Variants in THSD7B observed in about 807,000 individuals in gnomAD.
The protein encoded by THSD7B is thrombospondin type-1 domain-containing protein 7B.
In THSD7B, 138 loss-of-function variants were observed where a neutral mutation model predicts 213.6. That is an observed-to-expected ratio of 0.65 (90% CI 0.56 to 0.74). The LOEUF (loss-of-function observed/expected upper bound fraction) is 0.74. Among genes scored for constraint, THSD7B ranks in the 30% least tolerant of loss-of-function variants. THSD7B has a pLI of 0.00. For missense variants in THSD7B, 1,931 were observed against 1,991.5 expected (o/e 0.97, Z 0.58); for synonymous variants, 742 against 687.0 (o/e 1.08, Z -1.25).
At chr2:137,079,647 G>T (rs544143007) in intron 3 of THSD7B, among the ~76,000 whole-genome samples, 10 of 152,074 alleles carry the variant, frequency 6.6e-5, no homozygotes, top group Non-Finnish European at 1.2e-4. Flanking sequence ...ACAGAGGTGG[G>T]TTTACCTTTA....
chr2:137,357,826 C>T (rs1348627969), intron 12 of THSD7B, among the ~76,000 whole-genome samples: 1 of 152,116 alleles, frequency 6.6e-6, no homozygotes, highest in African/African-American at 2.4e-5. Flanking sequence ...TGATTGTAAC[C>T]ATGAGGAAGA....
intron 14 of THSD7B, among the ~76,000 whole-genome samples, chr2:137,417,164 T>C (rs1686817369): frequency 1.3e-5 from 2 of 152,194 alleles, no homozygotes; most frequent in Admixed American, 1.3e-4. Context: ...AAAGAATCTC[T>C]TTTTGGATTT....
At chr2:137,199,809 T>C (rs185164600) in intron 7 of THSD7B, among the ~76,000 whole-genome samples, 25 of 152,338 alleles carry the variant, frequency 1.6e-4, no homozygotes, top group African/African-American at 5.5e-4. Context: ...TTTTGCATTA[T>C]ACTTTTGAAC....
intron 12 of THSD7B, among the ~76,000 whole-genome samples, chr2:137,387,268 C>T (rs1685917884): frequency 6.6e-6 from 1 of 152,218 alleles, no homozygotes; most frequent in African/African-American, 2.4e-5. Flanking sequence ...TATTTGAGTG[C>T]TCTTGTCTGA....
chr2:137,205,311 A>C (rs1040791285), intron 7 of THSD7B, among the ~76,000 whole-genome samples: 1 of 152,034 alleles, frequency 6.6e-6, no homozygotes, highest in Admixed American at 6.6e-5. Context: ...GTCCCAGAGG[A>C]ACTCCAGAGA....
At chr2:137,540,324 T>G (rs2105191198) in intron 15 of THSD7B, among the ~76,000 whole-genome samples, 1 of 151,852 alleles carries the variant, frequency 6.6e-6, no homozygotes, top group South Asian at 2.1e-4. Flanking sequence ...TTTCATAGAA[T>G]TCTGGAAGTA....
chr2:136,890,517 T>TTCTTTCTTC (rs1446688915), intron 2 of THSD7B, among the ~76,000 whole-genome samples: 1 of 59,030 alleles, frequency 1.7e-5, no homozygotes, highest in African/African-American at 7.3e-5. Flanking sequence ...CTTCTTCTTC[T>TTCTTTCTTC]TTCTTCTTCT....
chr2:137,298,821 G>A (rs6430706), intron 12 of THSD7B, among the ~76,000 whole-genome samples: 9,362 of 152,262 alleles, frequency 0.061, 541 homozygotes, highest in African/African-American at 0.14. Context: ...GATTTCAGAA[G>A]TTGTATGGAA....
intron 2 of THSD7B, among the ~76,000 whole-genome samples, chr2:137,013,362 A>T (rs1409623162): frequency 2.6e-5 from 4 of 152,184 alleles, no homozygotes; most frequent in African/African-American, 9.7e-5. Flanking sequence ...GTCACAGCAC[A>T]AAGAAAGGGG....
At chr2:137,325,178 T>TGTTTTTGTTTTG (rs1375737867) in intron 12 of THSD7B, among the ~76,000 whole-genome samples, 1 of 152,126 alleles carries the variant, frequency 6.6e-6, no homozygotes, top group Non-Finnish European at 1.5e-5. Context: ...TTTTTGTTTT[T>TGTTTTTGTTTTG]GTTTTTAATT....
rs1350399782 is a variant in THSD7B at position 137,412,281 on chromosome 2, C to A, written c.2959+409C>A. 2.0e-5 allele frequency among the ~76,000 whole-genome samples: 3 copies of A among 147,666 alleles called. No homozygotes were observed. The East Asian group carries it at 6.1e-4, about 30-fold the overall frequency. On this transcript the variant is annotated intron_variant, in intron 14 of 27. Transcript: ENST00000409968. ...TAATGTAGTTGAGAAAAAAAAAAAT[C>A]AATGAAAAAGTTGATTTTAAAAGTT...
At chr2:137,610,500 A>G (rs767568112) in intron 17 of THSD7B, among the ~76,000 whole-genome samples, 10 of 152,130 alleles carry the variant, frequency 6.6e-5, no homozygotes, top group Non-Finnish European at 1.2e-4. Flanking sequence ...CTCATGGCCA[A>G]TATTGATATG....
At chr2:137,624,544 G>C (rs1311657840) in intron 20 of THSD7B, among the ~76,000 whole-genome samples, 2 of 152,150 alleles carry the variant, frequency 1.3e-5, no homozygotes, top group Non-Finnish European at 2.9e-5. Flanking sequence ...GCAACCTACA[G>C]AATGGGAGAA....
intron 5 of THSD7B, among the ~76,000 whole-genome samples, chr2:137,141,036 T>C (rs573933253): frequency 6.6e-6 from 1 of 152,242 alleles, no homozygotes; most frequent in East Asian, 1.9e-4. Context: ...ACTTAACAAG[T>C]GCAAAGCCAT....
chr2:137,656,333 T>C (rs924378501), intron 22 of THSD7B, among the ~76,000 whole-genome samples: 1 of 152,056 alleles, frequency 6.6e-6, no homozygotes, highest in African/African-American at 2.4e-5. Context: ...ATTATATTTC[T>C]TGAGTGAGAA....
At chr2:136,767,977 C>T (rs971197553) in intron 1 of THSD7B, among the ~76,000 whole-genome samples, 1 of 152,206 alleles carries the variant, frequency 6.6e-6, no homozygotes, top group Non-Finnish European at 1.5e-5. Flanking sequence ...AAGAGGAACA[C>T]TGTTAGACAG....
intron 5 of THSD7B, among the ~76,000 whole-genome samples, chr2:137,138,243 A>G (rs540107996): frequency 6.6e-6 from 1 of 152,246 alleles, no homozygotes; most frequent in East Asian, 1.9e-4. Context: ...TATTTTGAGT[A>G]AGTAATTGAG....
At chr2:136,993,788 T>G (rs1685830320) in intron 2 of THSD7B, among the ~76,000 whole-genome samples, 1 of 152,136 alleles carries the variant, frequency 6.6e-6, no homozygotes, top group Non-Finnish European at 1.5e-5. Flanking sequence ...GGGAAATGTA[T>G]GAAACCGGAT....
chr2:137,604,761 TA>T (rs921837211), intron 17 of THSD7B, among the ~76,000 whole-genome samples: 3 of 152,316 alleles, frequency 2.0e-5, no homozygotes, highest in Non-Finnish European at 1.5e-5. Flanking sequence ...TCTTTTCTAA[TA>T]TCTTTTCCAT....
Sources: gnomAD v4.1 joint callset for allele counts (sites outside exome capture counted in the v4.1 genomes callset) on GRCh38, gnomAD v4.1.1 for gene constraint, MANE v1.5 for transcripts, NCBI Gene and HGNC (gene_info 2026-07-23, HGNC 2026-07-21) for gene names.